The following SLC1A2 variants were observed in gnomAD, a reference collection of about 807,000 sequenced individuals.
SLC1A2 encodes excitatory amino acid transporter 2.
A neutral mutation model predicts 48.8 loss-of-function variants in SLC1A2; 15 were observed. That is an observed-to-expected ratio of 0.31 (90% CI 0.21 to 0.47). The LOEUF (loss-of-function observed/expected upper bound fraction) is 0.47, where lower values mean the gene tolerates loss of function less well. SLC1A2 is among the 20% of genes least tolerant of loss of function. SLC1A2 has a pLI of 0.99. For missense variants in SLC1A2, 502 were observed against 730.5 expected (o/e 0.69, Z 3.61); for synonymous variants, 279 against 272.6 (o/e 1.02, Z -0.23).
chr11:35,284,036 A>T (rs1265253670), intron 8 of SLC1A2, among the ~76,000 whole-genome samples: 1 of 126,700 alleles, frequency 7.9e-6, no homozygotes, highest in African/African-American at 2.9e-5. Context: ...AGATGAGGAA[A>T]CTGAGGCTCC....
In SLC1A2 at chr11:35,344,542, C is replaced by T. The variant is rs180930766; in HGVS notation, c.18-27026G>A. On this transcript the variant is annotated intron_variant, in intron 1 of 10. Coordinates refer to ENST00000278379, the MANE Select transcript of SLC1A2 (RefSeq NM_004171.4). ...CCCTGAAAATGCACATACAGACAAA[C>T]TTTCCTTACAATTTCAGACCCCGGA... 4.6e-5 allele frequency among the ~76,000 whole-genome samples: 7 copies of T among 152,280 alleles called. No individual in the cohort carries two copies. The East Asian group carries it at 1.4e-3, about 29-fold the overall frequency.
intron 4 of SLC1A2, chr11:35,307,052 T>C (rs918837258): frequency 1.3e-5 from 2 of 152,144 alleles, no homozygotes; most frequent in African/African-American, 4.8e-5. Context: ...AGATGGTCCT[T>C]CCAGTTGTGA....
chr11:35,411,858 T>G (rs1004938707), intron 1 of SLC1A2, among the ~76,000 whole-genome samples: 4 of 152,224 alleles, frequency 2.6e-5, no homozygotes, highest in African/African-American at 4.8e-5. Flanking sequence ...CATTTTCTTT[T>G]GAATGGCACA....
intron 1 of SLC1A2, among the ~76,000 whole-genome samples, chr11:35,330,322 A>C (rs1591480531): frequency 6.6e-6 from 1 of 151,944 alleles, no homozygotes; most frequent in Non-Finnish European, 1.5e-5. Context: ...CTCACTTTCA[A>C]CCTCCAGCAC....
At chr11:35,317,130 A>G in intron 2 of SLC1A2, 1 of 470,798 alleles carries the variant, frequency 2.1e-6, no homozygotes, top group Non-Finnish European at 3.8e-6. Flanking sequence ...AGGAATCCAC[A>G]TGCCAACACT....
In SLC1A2 at chr11:35,260,832, A is replaced by G; in HGVS notation, c.*62T>C. ...TCCTTTTTAAAGAAAGCTTGTTTAT[A>G]TCATCAGTTACCATAGGATACGCTG... On this transcript the variant is annotated 3_prime_UTR_variant, in exon 11 of 11. Transcript: ENST00000278379. 5 of 1,143,542 alleles carry G rather than the reference A, an allele frequency of 4.4e-6. No homozygotes were observed. Among genetic ancestry groups the G allele is most frequent in the Non-Finnish European group, 6.6e-6 (5 of 755,274 alleles). 70.8% of individuals were successfully genotyped at this position (1,143,542 alleles called of 1,614,324 possible).
intron 3 of SLC1A2, among the ~76,000 whole-genome samples, chr11:35,313,773 G>A (rs975209092): frequency 6.6e-6 from 1 of 152,160 alleles, no homozygotes; most frequent in African/African-American, 2.4e-5. Context: ...ATCTAGCGCT[G>A]AATGATAAGG....
intron 1 of SLC1A2, chr11:35,374,363 G>T: frequency 2.4e-6 from 2 of 829,562 alleles, no homozygotes; most frequent in Non-Finnish European, 2.0e-6. Flanking sequence ...GCGATGTGTT[G>T]TTGGAGAATT....
chr11:35,283,731 A>G (rs1316541924), intron 8 of SLC1A2, among the ~76,000 whole-genome samples: 3 of 152,054 alleles, frequency 2.0e-5, no homozygotes, highest in Non-Finnish European at 4.4e-5. Context: ...TTCATCTTTG[A>G]GTTTTAAAGC....
chr11:35,364,261 G>A (rs1853773157), intron 1 of SLC1A2, among the ~76,000 whole-genome samples: 2 of 152,178 alleles, frequency 1.3e-5, no homozygotes, highest in African/African-American at 4.8e-5. Flanking sequence ...TTTCCTTTGT[G>A]CTGCCCTCAC....
intron 7 of SLC1A2, among the ~76,000 whole-genome samples, 199 bp from the exon 8 acceptor site, chr11:35,287,150 T>C (rs182974025): frequency 7.0e-4 from 106 of 152,296 alleles, no homozygotes; most frequent in African/African-American, 2.2e-3. Context: ...ATTAAGACAC[T>C]AATAGGCAGC....
Position 35,315,525 on chromosome 11 carries a change from G to A in SLC1A2, c.158-350C>T, listed in dbSNP as rs532899540. ...TAAACTATAAGGGGCTGGGCACAGTGGCTTGTGCCTATAATCCCAGCACTT... is the reference window on the plus strand; with the variant it reads ...TAAACTATAAGGGGCTGGGCACAGTAGCTTGTGCCTATAATCCCAGCACTT... On this transcript the variant is annotated intron_variant, in intron 2 of 10. Coordinates refer to ENST00000278379, the MANE Select transcript of SLC1A2 (RefSeq NM_004171.4). The A allele has an allele frequency of 9.2e-5, 17 of 184,642 alleles. No individual in the cohort carries two copies. The South Asian group carries it at 1.8e-3, about 19-fold the overall frequency. 11.4% of individuals were successfully genotyped at this position (184,642 alleles called of 1,614,324 possible).
intron 1 of SLC1A2, among the ~76,000 whole-genome samples, chr11:35,349,897 TA>T (rs1410537176): frequency 1.3e-5 from 2 of 152,290 alleles, no homozygotes; most frequent in East Asian, 3.9e-4. Flanking sequence ...GTAGGAGTCC[TA>T]TATGGTTAGA....
In SLC1A2 at chr11:35,252,187, T is replaced by C. The variant is rs1372780070; in HGVS notation, c.*8707A>G. The C allele has an allele frequency of 2.0e-5, 3 of 152,618 alleles. No homozygotes were observed. The highest frequency in any genetic ancestry group is 2.9e-5 in the Non-Finnish European group (2 of 68,038). 9.5% of individuals were successfully genotyped at this position (152,618 alleles called of 1,614,324 possible). On this transcript the variant is annotated 3_prime_UTR_variant, in exon 11 of 11. Coordinates refer to ENST00000278379, the MANE Select transcript of SLC1A2 (RefSeq NM_004171.4). ...GTAGGGTTTCACCTGCAGATGCATT[T>C]GCAGTTAGTTAGTCAGCAATGTTTT... is the stretch of plus-strand genomic sequence containing the variant.
At chr11:35,335,177 G>A (rs891072742) in intron 1 of SLC1A2, among the ~76,000 whole-genome samples, 2 of 152,158 alleles carry the variant, frequency 1.3e-5, no homozygotes, top group African/African-American at 2.4e-5. Flanking sequence ...TGGGGGGGAA[G>A]TGTGTGTATT....
chr11:35,345,342 T>C (rs1565262541), intron 1 of SLC1A2, among the ~76,000 whole-genome samples: 1 of 152,218 alleles, frequency 6.6e-6, no homozygotes, highest in East Asian at 1.9e-4. Context: ...GTTCTGCAAA[T>C]GGCCTTCCAG....
chr11:35,278,526 G>A lies in SLC1A2; in HGVS notation c.1421+2341C>T, dbSNP rs191394240. ...ACTCCCGACCTCAGGTGATCTGCCC[G>A]CTTCAGCCTCCCAAAGTGCTGGGCA... is the stretch of plus-strand genomic sequence containing the variant. On this transcript the variant is annotated intron_variant, in intron 9 of 10. Transcript: ENST00000278379. 3.1e-3 allele frequency among the ~76,000 whole-genome samples: 469 copies of A among 152,024 alleles called. 2 individuals carry two copies. The Middle Eastern group carries it at 0.037, about 12-fold the overall frequency.
At chr11:35,392,089 T>C (rs1469372170) in intron 1 of SLC1A2, among the ~76,000 whole-genome samples, 4 of 152,198 alleles carry the variant, frequency 2.6e-5, no homozygotes, top group Admixed American at 2.6e-4. Flanking sequence ...AAATCACCCT[T>C]ATCGTCCCAT....
At chr11:35,378,972 T>C (rs1854331077) in intron 1 of SLC1A2, among the ~76,000 whole-genome samples, 1 of 152,220 alleles carries the variant, frequency 6.6e-6, no homozygotes, top group Non-Finnish European at 1.5e-5. Context: ...CTCATGCCTG[T>C]AATCCCAGCA....
Sources: gnomAD v4.1 joint callset for allele counts (sites outside exome capture counted in the v4.1 genomes callset) on GRCh38, gnomAD v4.1.1 for gene constraint, MANE v1.5 for transcripts, NCBI Gene and HGNC (gene_info 2026-07-23, HGNC 2026-07-21) for gene names.